DMD: variants seen among roughly 807,000 people sequenced by gnomAD.
DMD encodes mutant dystrophin.
Under a neutral mutation model 330.1 loss-of-function variants are expected in DMD, and 63 were observed. That is an observed-to-expected ratio of 0.19 (90% CI 0.16 to 0.24). The LOEUF (loss-of-function observed/expected upper bound fraction) is 0.24, where lower values mean the gene tolerates loss of function less well. Ranked by LOEUF, DMD falls within the 10% of genes least tolerant of loss-of-function variation. DMD has a pLI of 1.00. For missense variants in DMD, 3,344 were observed against 2,684.1 expected, an observed-to-expected ratio of 1.25 and a Z score of -5.43; for synonymous variants, 1,223 against 959.8, an observed-to-expected ratio of 1.27 and a Z score of -5.07.
chrX:33,216,177 T>C (rs1211876400), upstream of DMD, among the ~76,000 whole-genome samples: 1 of 112,088 alleles, frequency 8.9e-6, no homozygotes, highest in Non-Finnish European at 1.9e-5. Flanking sequence ...TGTTTTGCAT[T>C]TATTTGTGTT....
chrX:31,320,961 T>A (rs890234738), intron 62 of DMD, among the ~76,000 whole-genome samples: 3 of 111,495 alleles, frequency 2.7e-5, no homozygotes, highest in Non-Finnish European at 5.6e-5. Context: ...CTCTCTCTCT[T>A]ATCATGAGCC....
chrX:32,195,136 T>C (rs1039537869), intron 44 of DMD, among the ~76,000 whole-genome samples: 3 of 111,272 alleles, frequency 2.7e-5, no homozygotes, highest in African/African-American at 9.8e-5. Context: ...AGATTAGATA[T>C]AAAATGGGAG....
chrX:31,768,369 C>A (rs1184247735), intron 51 of DMD, among the ~76,000 whole-genome samples: 1 of 109,993 alleles, frequency 9.1e-6, no homozygotes, highest in Non-Finnish European at 1.9e-5. Flanking sequence ...TTCCTCACTC[C>A]TCTTTTGTCC....
At chrX:32,682,044 G>A (rs1019476081) in intron 9 of DMD, among the ~76,000 whole-genome samples, 1 of 111,636 alleles carries the variant, frequency 9.0e-6, no homozygotes, top group African/African-American at 3.3e-5. Flanking sequence ...GGGGTTAAGG[G>A]TAGGAAAGAA....
chrX:32,682,533 T>A (rs1439587156), intron 9 of DMD, among the ~76,000 whole-genome samples: 2 of 111,475 alleles, frequency 1.8e-5, no homozygotes, highest in African/African-American at 6.5e-5. Flanking sequence ...CCCATGAATT[T>A]TAGCAAGTTA....
chrX:31,259,652 GT>G (rs2050313513), intron 63 of DMD, among the ~76,000 whole-genome samples: 1 of 111,592 alleles, frequency 9.0e-6, no homozygotes, highest in African/African-American at 3.3e-5. Context: ...CCTTTTTCAT[GT>G]TTTTTATTTA....
chrX:32,319,196 A>G (rs1376747066), intron 41 of DMD, among the ~76,000 whole-genome samples: 2 of 111,539 alleles, frequency 1.8e-5, no homozygotes, highest in Non-Finnish European at 3.8e-5. Context: ...GAAGAGAAAG[A>G]AAAGGGCTTT....
intron 3 of DMD, among the ~76,000 whole-genome samples, chrX:32,847,857 C>T (rs960155763): frequency 8.9e-6 from 1 of 112,099 alleles, no homozygotes; most frequent in Admixed American, 9.5e-5. Flanking sequence ...TGCATAAATG[C>T]AAATCATGTG....
chrX:32,295,920 T>C (rs2097493605), intron 42 of DMD, among the ~76,000 whole-genome samples: 1 of 112,337 alleles, frequency 8.9e-6, no homozygotes, highest in Admixed American at 9.4e-5. Context: ...AAGTAGATAT[T>C]GCAGAACCTG....
At chrX:31,212,510 G>A (rs1050721837) in intron 64 of DMD, among the ~76,000 whole-genome samples, 2 of 110,916 alleles carry the variant, frequency 1.8e-5, no homozygotes, top group Non-Finnish European at 3.8e-5. Flanking sequence ...TGGTTCCTGA[G>A]GCTCTGGTTG....
chrX:33,316,720 T>C (rs1031460419), intron 1 of DMD, among the ~76,000 whole-genome samples: 2 of 111,319 alleles, frequency 1.8e-5, no homozygotes, highest in Non-Finnish European at 3.8e-5. Context: ...TCTTCATTAC[T>C]GTAGCTATAT....
chrX:31,225,622 G>C (rs1284226842), intron 63 of DMD, among the ~76,000 whole-genome samples: 1 of 111,927 alleles, frequency 8.9e-6, no homozygotes, highest in Non-Finnish European at 1.9e-5. Context: ...TTTCAGACTT[G>C]AGCAAACATC....
At chrX:31,753,343 GACAA>G (rs919108588) in intron 51 of DMD, among the ~76,000 whole-genome samples, 24 of 111,979 alleles carry the variant, frequency 2.1e-4, no homozygotes, top group African/African-American at 5.8e-4. Context: ...CAAACATGTA[GACAA>G]ACAAAGCAGG....
chrX:33,053,388 G>T (rs931764784), intron 1 of DMD, among the ~76,000 whole-genome samples: 1 of 110,748 alleles, frequency 9.0e-6, no homozygotes, highest in African/African-American at 3.3e-5. Flanking sequence ...GAGGTCAGGA[G>T]TTCGAGACCA....
chrX:32,865,722 T>C (rs1037419548), intron 2 of DMD, among the ~76,000 whole-genome samples: 1 of 112,775 alleles, frequency 8.9e-6, no homozygotes, highest in Non-Finnish European at 1.9e-5. Flanking sequence ...ATTCATATTT[T>C]GACTGACACT....
At chrX:32,897,125 C>G (rs1373795457) in intron 2 of DMD, among the ~76,000 whole-genome samples, 1 of 111,340 alleles carries the variant, frequency 9.0e-6, no homozygotes, top group Non-Finnish European at 1.9e-5. Flanking sequence ...TAAATATGCC[C>G]TTAAAATCGT....
Position 31,606,839 on chromosome X carries a change from T to C in DMD, c.8217+20834A>G, listed in dbSNP as rs750008865. 2.7e-5 allele frequency among the ~76,000 whole-genome samples: 3 copies of C among 112,091 alleles called. No individual in the cohort carries two copies. The East Asian group carries it at 8.4e-4, about 32-fold the overall frequency. On this transcript the variant is annotated intron_variant, in intron 55 of 78. Coordinates refer to ENST00000357033, the MANE Select transcript of DMD (RefSeq NM_004006.3). ...TTGCAGTCTTACAGATCTGTAGTTT[T>C]CTTTTCATGGGGACAAAATTCGTTT... is the stretch of plus-strand genomic sequence containing the variant.
chrX:31,868,671 A>C (rs2059093658), intron 48 of DMD, among the ~76,000 whole-genome samples: 1 of 111,462 alleles, frequency 9.0e-6, no homozygotes, highest in African/African-American at 3.3e-5. Context: ...CTTACAACTG[A>C]GTAAGGAAGG....
At chrX:31,454,846 G>A (rs931061761) in intron 59 of DMD, among the ~76,000 whole-genome samples, 3 of 110,791 alleles carry the variant, frequency 2.7e-5, no homozygotes, top group Non-Finnish European at 5.7e-5. Context: ...TCAAACTCCT[G>A]GGCTCAAGCG....
Sources: gnomAD v4.1 joint callset for allele counts (sites outside exome capture counted in the v4.1 genomes callset) on GRCh38, gnomAD v4.1.1 for gene constraint, MANE v1.5 for transcripts, NCBI Gene and HGNC (gene_info 2026-07-23, HGNC 2026-07-21) for gene names.